The following EIF4G1 variants were observed in gnomAD, a reference collection of about 807,000 sequenced individuals.
The protein encoded by EIF4G1 is EIF4-gamma.
In EIF4G1, 4 loss-of-function variants were observed where a neutral mutation model predicts 187.8. That is an observed-to-expected ratio of 0.02 (90% CI 0.01 to 0.05). The LOEUF (loss-of-function observed/expected upper bound fraction) is 0.05, where lower values mean the gene tolerates loss of function less well. Ranked by LOEUF, EIF4G1 falls within the 10% of genes least tolerant of loss-of-function variation. EIF4G1 has a pLI of 1.00. For synonymous variants in EIF4G1, 844 were observed against 781.4 expected (o/e 1.08, Z -1.34); for missense variants, 1,647 against 2,081.1 (o/e 0.79, Z 4.06).
intron 25 of EIF4G1, 49 bp from the exon 26 acceptor site, chr3:184,327,775 GGGGTCT>G: frequency 6.2e-7 from 1 of 1,613,732 alleles, no homozygotes; most frequent in Non-Finnish European, 8.5e-7. Flanking sequence ...ATAGGGGTCC[GGGGTCT>G]GGGTCAGACA....
chr3:184,324,076 C>T (rs560930556), intron 16 of EIF4G1, 99 bp downstream of exon 16: 3 of 1,604,478 alleles, frequency 1.9e-6, no homozygotes, highest in East Asian at 2.2e-5. Flanking sequence ...CAACTTGTGC[C>T]TCTTCCAGCT....
chr3:184,319,495 T>G, intron 6 of EIF4G1, 194 bp from the exon 7 acceptor site: 1 of 571,026 alleles, frequency 1.8e-6, no homozygotes, highest in Non-Finnish European at 3.3e-6. Context: ...TAGGAATTCT[T>G]GTAAACGCAG....
chr3:184,322,494 A>T, intron 11 of EIF4G1, 44 bp downstream of exon 11: 1 of 1,614,058 alleles, frequency 6.2e-7, no homozygotes. Context: ...AAGTTGAGGT[A>T]TGGAGCAGTG....
chr3:184,321,352 A>G lies in EIF4G1; in HGVS notation c.768A>G (p.Glu256=). 6.2e-7 allele frequency: 1 copy of G among 1,614,128 alleles called. No homozygotes were observed. Among genetic ancestry groups the G allele is most frequent in the Non-Finnish European group, 8.5e-7 (1 of 1,180,024 alleles). ...GLPGPEHSPS[E]SQPSSPSPTP... The stretch of plus-strand genomic sequence containing the variant: ...CTGGCCCAGAGCATAGCCCTTCAGA[A>G]TCCCAGCCTTCGTCGCCTTCTCCGA... Residue 256 remains glutamate (E), a synonymous_variant, in exon 10 of 33, where the codon GAA becomes GAG. Transcript: ENST00000346169.
Position 184,325,956 on chromosome 3 carries a change from G to A in EIF4G1, c.3222+5G>A. 6.2e-7 allele frequency: 1 copy of A among 1,613,946 alleles called. No individual in the cohort carries two copies. Among genetic ancestry groups the A allele is most frequent in the Non-Finnish European group, 8.5e-7 (1 of 1,179,908 alleles). The stretch of plus-strand genomic sequence containing the variant: ...CGACTCACCAAGATCACCAAGGTAG[G>A]GGTGTGTGTGGGAGTGGGTGATTCA... On this transcript the variant is annotated splice_donor_5th_base_variant and intron_variant, in intron 21 of 32. Coordinates refer to ENST00000346169, the MANE Select transcript of EIF4G1 (RefSeq NM_198241.3). This position sits in a 1 kb window ranked among gnomAD's most constrained non-coding sequence, Gnocchi z 5.2.
In EIF4G1 at chr3:184,334,207, C is replaced by T. The variant is rs1444690105; in HGVS notation, c.4619-520C>T. 1.3e-5 allele frequency among the ~76,000 whole-genome samples: 2 copies of T among 151,894 alleles called. No homozygotes were observed. Among genetic ancestry groups the T allele is most frequent in the South Asian group, 2.1e-4 (1 of 4,808 alleles). On this transcript the variant is annotated intron_variant, in intron 32 of 32. Transcript: ENST00000346169. This position sits in a 1 kb window ranked among gnomAD's most constrained non-coding sequence, Gnocchi z 5.8. ...AGTTGAGTCCTGAAGGAACAAGACA[C>T]GAGGAAGTTTCCGGCAAAGGATATA...
chr3:184,325,503 G>C lies in EIF4G1; in HGVS notation c.2985G>C (p.Gly995=). The change falls in exon 20 of 33, where the codon GGG becomes GGC. Residue 995 remains glycine, a synonymous_variant. Coordinates refer to ENST00000346169, the MANE Select transcript of EIF4G1 (RefSeq NM_198241.3). The surrounding 1 kb of genome is among the most constrained non-coding windows in gnomAD (Gnocchi z 5.2). Reference sequence around the variant, plus strand: ...AGAGCAATTGGGTGCCACGCCGAGGGGATCAGGGTCCCAAGACCATTGACC... The same window carrying C: ...AGAGCAATTGGGTGCCACGCCGAGGCGATCAGGGTCCCAAGACCATTGACC... The part of the protein sequence containing the change: ...LRGSNWVPRR[G]DQGPKTIDQI... 1.2e-6 allele frequency: 2 copies of C among 1,614,132 alleles called. No homozygotes were observed. The highest frequency in any genetic ancestry group is 1.7e-6 in the Non-Finnish European group (2 of 1,180,044).
rs576007045 is a variant in EIF4G1, at chr3:184,324,808, C to T, written c.2620-70C>T. ...GTGCTTATTGCTAGGTTTGGATATC[C>T]AGGTAGAAAAGGGTTTTAGCCGAGT... is the stretch of plus-strand genomic sequence containing the variant. On this transcript the variant is annotated intron_variant, in intron 17 of 32. Transcript: ENST00000346169. 1.8e-5 allele frequency: 28 copies of T among 1,542,332 alleles called. No homozygotes were observed. In the African/African-American group the frequency reaches 3.5e-4, roughly 19 times the overall value.
In EIF4G1 at chr3:184,327,287, G is replaced by T; in HGVS notation, c.3500G>T (p.Gly1167Val). The change falls in exon 24 of 33, where the codon GGA becomes GTA. Residue 1167 changes from glycine (G) to valine (V), a missense_variant. Physicochemically the swap from Gly to Val is moderately radical, Grantham distance 109 (BLOSUM62 -3). This residue lies in a region of EIF4G1 where 543 missense variants were observed against 638.0 expected (regional missense o/e 0.85). Coordinates refer to ENST00000346169, the MANE Select transcript of EIF4G1 (RefSeq NM_198241.3). The part of the protein sequence containing the change: ...RGDRLERSER[G>V]GDRGDRLDRA... ...GACCGCCTAGAGCGGAGTGAACGGGGAGGGGACCGTGGGGACCGGCTTGAT... is the reference window on the plus strand; with the variant it reads ...GACCGCCTAGAGCGGAGTGAACGGGTAGGGGACCGTGGGGACCGGCTTGAT... 6.2e-7 allele frequency: 1 copy of T among 1,613,904 alleles called. No homozygotes were observed. The highest frequency in any genetic ancestry group is 2.2e-5 in the East Asian group (1 of 44,888).
intron 10 of EIF4G1, 73 bp from the exon 11 acceptor site, chr3:184,322,288 AT>A: frequency 6.4e-7 from 1 of 1,553,010 alleles, no homozygotes; most frequent in East Asian, 2.3e-5. Context: ...GCTGCTTTCT[AT>A]TTCCCAGGGA....
At chr3:184,317,181 C>T in intron 4 of EIF4G1, 140 bp from the exon 5 acceptor site, 1 of 986,852 alleles carries the variant, frequency 1.0e-6, no homozygotes, top group Non-Finnish European at 1.6e-6. Context: ...GCCATTTGGT[C>T]AAGTGGTCTT....
In EIF4G1 at chr3:184,327,567, C is replaced by G. The variant is rs1725181294; in HGVS notation, c.3662-19C>G. The G allele has an allele frequency of 2.5e-6, 4 of 1,613,700 alleles. No homozygotes were observed. The highest frequency in any genetic ancestry group is 3.4e-6 in the Non-Finnish European group (4 of 1,179,700). ...GGGAAGACTGAAAAGTCCCTCTAATCTGTGTTCTCTTCCCACAGTGAAGCG... is the reference window on the plus strand; with the variant it reads ...GGGAAGACTGAAAAGTCCCTCTAATGTGTGTTCTCTTCCCACAGTGAAGCG... On this transcript the variant is annotated intron_variant, in intron 24 of 32. Transcript: ENST00000346169.
Position 184,322,033 on chromosome 3 carries a change from G to C in EIF4G1, c.1449G>C (p.Leu483=). The part of the protein sequence containing the change: ...EAESEKGGEE[L]LPPESTPIPA... ...AGAGTGAGAAAGGAGGAGAGGAACTGCTCCCCCCAGAGAGTACCCCTATTC... is the reference window on the plus strand; with the variant it reads ...AGAGTGAGAAAGGAGGAGAGGAACTCCTCCCCCCAGAGAGTACCCCTATTC... Residue 483 remains leucine (L), a synonymous_variant, in exon 10 of 33, where the codon CTG becomes CTC. Transcript: ENST00000346169. The C allele has an allele frequency of 6.2e-7, 1 of 1,614,128 alleles. No homozygotes were observed. The highest frequency in any genetic ancestry group is 8.5e-7 in the Non-Finnish European group (1 of 1,180,038).
chr3:184,332,983 A>C (rs1726429786), intron 32 of EIF4G1, among the ~76,000 whole-genome samples: 1 of 152,238 alleles, frequency 6.6e-6, no homozygotes, highest in African/African-American at 2.4e-5. Flanking sequence ...TTTAGTTTTT[A>C]GATCATCTTG....
In EIF4G1 at chr3:184,334,624, G is replaced by A. The variant is rs1726794591; in HGVS notation, c.4619-103G>A. On this transcript the variant is annotated intron_variant, in intron 32 of 32. Coordinates refer to ENST00000346169, the MANE Select transcript of EIF4G1 (RefSeq NM_198241.3). This position sits in a 1 kb window ranked among gnomAD's most constrained non-coding sequence, Gnocchi z 5.8. ...GAATGGCCACAAATGTCAGGCTGGTGCATCAGGGCCTTGTTTGAACAGTGG... is the reference window on the plus strand; with the variant it reads ...GAATGGCCACAAATGTCAGGCTGGTACATCAGGGCCTTGTTTGAACAGTGG... The A allele has an allele frequency of 6.6e-6, 9 of 1,370,256 alleles. No individual in the cohort carries two copies. Among genetic ancestry groups the A allele is most frequent in the South Asian group, 3.6e-5 (3 of 83,778 alleles). 84.9% of individuals were successfully genotyped at this position (1,370,256 alleles called of 1,614,324 possible). A position where few individuals can be genotyped will look rare whatever the true frequency, so the allele number is the denominator to read the frequency against.
chr3:184,324,702 TGATCC>T (rs1724540771), intron 17 of EIF4G1, among the ~76,000 whole-genome samples, 171 bp from the exon 18 acceptor site: 1 of 152,148 alleles, frequency 6.6e-6, no homozygotes, highest in African/African-American at 2.4e-5. Flanking sequence ...TGACCTCAAG[TGATCC>T]GCCTGCCTCA....
In EIF4G1 at chr3:184,331,277, G is replaced by A. The variant is rs780111792; in HGVS notation, c.4173G>A (p.Lys1391=). Residue 1391 remains lysine (K), a synonymous_variant, in exon 29 of 33, where the codon AAG becomes AAA. Transcript: ENST00000346169. ...GLLCKSMGPK[K]VGTLWREAGL... is the part of the protein sequence containing the mutation. ...CTTGTGTTTTCCAGGGTCCTAAAAAGGTGGGGACGCTGTGGCGAGAAGCCG... is the reference window on the plus strand; with the variant it reads ...CTTGTGTTTTCCAGGGTCCTAAAAAAGTGGGGACGCTGTGGCGAGAAGCCG... The A allele has an allele frequency of 1.9e-6, 3 of 1,614,092 alleles. No individual in the cohort carries two copies. Among genetic ancestry groups the A allele is most frequent in the Non-Finnish European group, 2.5e-6 (3 of 1,180,052 alleles).
chr3:184,329,942 G>T (rs1036999013), intron 28 of EIF4G1, among the ~76,000 whole-genome samples: 8 of 152,148 alleles, frequency 5.3e-5, no homozygotes, highest in African/African-American at 1.7e-4. Flanking sequence ...GGGATTTAAA[G>T]GAATTGTTAT....
rs750833492 is a variant in EIF4G1, at chr3:184,324,356, A to G, written c.2619+9A>G. The G allele has an allele frequency of 4.2e-5, 67 of 1,614,102 alleles. No individual in the cohort carries two copies. The highest frequency in any genetic ancestry group is 5.5e-5 in the Non-Finnish European group (65 of 1,180,042). On this transcript the variant is annotated intron_variant, in intron 17 of 32. Transcript: ENST00000346169. Reference sequence around the variant, plus strand: ...TGGATGAAGCTGCTACGGTGAGAGAAAACCCACTATCGATTCCACTCACCA... The same window carrying G: ...TGGATGAAGCTGCTACGGTGAGAGAGAACCCACTATCGATTCCACTCACCA...
Sources: allele counts gnomAD v4.1 joint callset (sites outside exome capture counted in the v4.1 genomes callset), GRCh38; gene constraint gnomAD v4.1.1; regional missense constraint gnomAD v4.1.1; non-coding constraint Gnocchi (gnomAD v3.1); transcripts MANE v1.5; gene names NCBI Gene and HGNC (gene_info 2026-07-23, HGNC 2026-07-21).